Variants in ROR2 observed in about 807,000 individuals in gnomAD.
ROR2 encodes tyrosine-protein kinase transmembrane receptor ROR2.
In ROR2, 33 loss-of-function variants were observed where a neutral mutation model predicts 74.9. The observed-to-expected ratio is 0.44, with a 90% confidence interval of 0.33 to 0.59. The LOEUF is 0.59. ROR2 is among the 20% of genes least tolerant of loss of function. The probability of loss-of-function intolerance (pLI) is 0.02; values close to 1 mark genes in which losing one functional copy is unlikely to be tolerated. For missense variants in ROR2, 1,216 were observed against 1,313.8 expected, an observed-to-expected ratio of 0.93 and a Z score of 1.15; for synonymous variants, 586 against 558.7, an observed-to-expected ratio of 1.05 and a Z score of -0.69.
At chr9:91,756,743 CTTTTTTT>C (rs557043787) in intron 3 of ROR2, among the ~76,000 whole-genome samples, 27,172 of 104,316 alleles carry the variant, frequency 0.26, 3,084 homozygotes, top group African/African-American at 0.45. Flanking sequence ...TTTTTGTTCT[CTTTTTTT>C]TTTTTTTTTT....
At chr9:91,944,054 C>T (rs192831303) in intron 1 of ROR2, among the ~76,000 whole-genome samples, 29 of 152,292 alleles carry the variant, frequency 1.9e-4, no homozygotes, top group Admixed American at 1.3e-4. Context: ...TCAACGATGA[C>T]GATACATTCT....
chr9:91,920,641 G>A (rs999999195), intron 1 of ROR2, among the ~76,000 whole-genome samples: 1 of 152,224 alleles, frequency 6.6e-6, no homozygotes, highest in Non-Finnish European at 1.5e-5. Flanking sequence ...CACCTGGTCT[G>A]TCTCAGGTGC....
chr9:91,752,334 G>A (rs1335766409), intron 4 of ROR2, among the ~76,000 whole-genome samples: 1 of 152,196 alleles, frequency 6.6e-6, no homozygotes. Flanking sequence ...ATCTGCTTAG[G>A]TGTCCTTCAA....
At position 91,840,303 on chromosome 9, in the gene ROR2, T is replaced by TA. The variant is rs1357719972; in HGVS notation, c.98-64486_98-64485insT. ...GTTTCTCTTTCTCTTTCTAACCTTC[T>TA]CTTCTTATGAATGAGGAAACCTGTA... On this transcript the variant is annotated intron_variant, in intron 1 of 8. Transcript: ENST00000375708. Among the ~76,000 whole-genome samples the TA allele has an allele frequency of 5.3e-5, 8 of 152,246 alleles. No individual in the cohort carries two copies. In the East Asian group the frequency reaches 5.8e-4, roughly 11 times the overall value.
At chr9:91,926,517 G>C (rs1381822274) in intron 1 of ROR2, among the ~76,000 whole-genome samples, 1 of 140,284 alleles carries the variant, frequency 7.1e-6, no homozygotes, top group Admixed American at 8.2e-5. Context: ...CTGCACTCCA[G>C]CCTGGGCGAC....
chr9:91,818,924 C>T (rs1828038387), intron 1 of ROR2, among the ~76,000 whole-genome samples: 1 of 152,132 alleles, frequency 6.6e-6, no homozygotes, highest in Non-Finnish European at 1.5e-5. Context: ...GAGTCCTGCC[C>T]CCTCCCTCTT....
chr9:91,893,830 C>T (rs1354186086), intron 1 of ROR2, among the ~76,000 whole-genome samples: 1 of 152,152 alleles, frequency 6.6e-6, no homozygotes, highest in Non-Finnish European at 1.5e-5. Flanking sequence ...AGACTTTTTA[C>T]CCAAAATAGC....
In ROR2 at chr9:91,757,401, G is replaced by A. The variant is rs868585233; in HGVS notation, c.334C>T (p.Arg112Trp). ...AGTCGTGAACCATATTCTGTCTTCCGGATGATGATCCGCCGCGGCTCCTGC... is the reference window on the plus strand; with the variant it reads ...AGTCGTGAACCATATTCTGTCTTCCAGATGATGATCCGCCGCGGCTCCTGC... ...VVQEPRRIII[R>W]KTEYGSRLRI... is the part of the protein sequence containing the mutation. Residue 112 changes from arginine to tryptophan, a missense_variant, in exon 3 of 9, where the codon CGG becomes TGG. Transcript: ENST00000375708. 14 of 1,613,774 alleles carry A rather than the reference G, an allele frequency of 8.7e-6. No individual in the cohort carries two copies. Among genetic ancestry groups the A allele is most frequent in the Admixed American group, 3.3e-5 (2 of 59,970 alleles).
In ROR2 at chr9:91,916,850, C is replaced by T. The variant is rs569289021; in HGVS notation, c.97+33017G>A. Among the ~76,000 whole-genome samples, 325 of 152,168 alleles carry T rather than the reference C, an allele frequency of 2.1e-3. 2 individuals carry two copies. Among genetic ancestry groups the T allele is most frequent in the Admixed American group, 3.5e-3 (54 of 15,258 alleles). The stretch of plus-strand genomic sequence containing the variant: ...GGCAAAGGAGGAAGAAAGGTGAAGT[C>T]GGCCACCAACATGGTAGAAAGATTC... On this transcript the variant is annotated intron_variant, in intron 1 of 8. Coordinates refer to ENST00000375708, the MANE Select transcript of ROR2 (RefSeq NM_004560.4).
At chr9:91,808,795 A>G (rs1363545355) in intron 1 of ROR2, among the ~76,000 whole-genome samples, 1 of 151,454 alleles carries the variant, frequency 6.6e-6, no homozygotes, top group African/African-American at 2.4e-5. Flanking sequence ...AAAATATAAA[A>G]AATATACATA....
At chr9:91,743,281 T>C (rs1213764379) in intron 4 of ROR2, among the ~76,000 whole-genome samples, 2 of 151,606 alleles carry the variant, frequency 1.3e-5, no homozygotes, top group Non-Finnish European at 2.9e-5. Context: ...ATCAGAAAAA[T>C]ATGATAAGGG....
chr9:91,802,449 C>G (rs1172909953), intron 1 of ROR2, among the ~76,000 whole-genome samples: 1 of 152,098 alleles, frequency 6.6e-6, no homozygotes, highest in African/African-American at 2.4e-5. Flanking sequence ...GTTTGAGACC[C>G]CTGCCCAGTC....
intron 2 of ROR2, among the ~76,000 whole-genome samples, chr9:91,758,718 G>T (rs1001317854): frequency 6.6e-6 from 1 of 152,172 alleles, no homozygotes; most frequent in Non-Finnish European, 1.5e-5. Flanking sequence ...GAGCTCTAGG[G>T]GGCAACGCAA....
intron 1 of ROR2, among the ~76,000 whole-genome samples, chr9:91,892,595 T>C (rs1409217032): frequency 6.8e-5 from 10 of 147,354 alleles, no homozygotes; most frequent in Middle Eastern, 3.4e-3. Context: ...CTTTTCTTTT[T>C]TTTTTTTTTT....
intron 1 of ROR2, among the ~76,000 whole-genome samples, chr9:91,870,999 A>G (rs2119330938): frequency 6.6e-6 from 1 of 152,362 alleles, no homozygotes; most frequent in Non-Finnish European, 1.5e-5. Flanking sequence ...TGTTCTACAG[A>G]TCAAATTACT....
intron 1 of ROR2, among the ~76,000 whole-genome samples, chr9:91,882,521 T>C (rs941912933): frequency 3.0e-4 from 45 of 150,668 alleles, no homozygotes; most frequent in African/African-American, 4.9e-5. Context: ...AACGAAAAAA[T>C]ATATACAACA....
intron 2 of ROR2, among the ~76,000 whole-genome samples, chr9:91,773,395 C>G (rs1166877674): frequency 6.6e-6 from 1 of 152,138 alleles, no homozygotes; most frequent in Non-Finnish European, 1.5e-5. Flanking sequence ...CAGAGTAAAT[C>G]AAACTGCACC....
At chr9:91,900,928 T>C (rs1830662248) in intron 1 of ROR2, among the ~76,000 whole-genome samples, 1 of 152,250 alleles carries the variant, frequency 6.6e-6, no homozygotes, top group African/African-American at 2.4e-5. Flanking sequence ...ACACATCGTT[T>C]AATCAGATAC....
intron 1 of ROR2, among the ~76,000 whole-genome samples, chr9:91,896,017 G>A (rs932289687): frequency 3.3e-5 from 5 of 152,068 alleles, no homozygotes; most frequent in Non-Finnish European, 7.3e-5. Flanking sequence ...AAGAAAACTT[G>A]AGCCCATGTC....
Sources: allele counts gnomAD v4.1 joint callset (sites outside exome capture counted in the v4.1 genomes callset), GRCh38; gene constraint gnomAD v4.1.1; transcripts MANE v1.5; gene names NCBI Gene and HGNC (gene_info 2026-07-23, HGNC 2026-07-21).